Variants in AFF3 observed in about 807,000 individuals in gnomAD.
AFF3 encodes the protein ALF transcription elongation factor 3.
AFF3 carries 32 observed loss-of-function variants against 129.7 expected under a neutral mutation model. The observed-to-expected ratio is 0.25, with a 90% CI of 0.19 to 0.33. AFF3 has a LOEUF of 0.33. Ranked by LOEUF, AFF3 falls within the 10% of genes least tolerant of loss-of-function variation. The probability of loss-of-function intolerance (pLI) is 1.00; values close to 1 mark genes in which losing one functional copy is unlikely to be tolerated. For missense variants in AFF3, 1,373 were observed against 1,592.0 expected, an observed-to-expected ratio of 0.86 and a Z score of 2.34; for synonymous variants, 644 against 635.4, an observed-to-expected ratio of 1.01 and a Z score of -0.20.
At chr2:99,769,682 T>C (rs1452996623) in intron 8 of AFF3, among the ~76,000 whole-genome samples, 2 of 152,206 alleles carry the variant, frequency 1.3e-5, no homozygotes, top group Non-Finnish European at 2.9e-5. Context: ...GTGTTGTGAC[T>C]GACACTGTAT....
chr2:99,565,061 C>T (rs988292457), intron 20 of AFF3, among the ~76,000 whole-genome samples: 3 of 152,104 alleles, frequency 2.0e-5, no homozygotes, highest in Non-Finnish European at 2.9e-5. Context: ...GATGGCTTCT[C>T]CTTCCATAAA....
intron 4 of AFF3, among the ~76,000 whole-genome samples, chr2:100,053,741 CTTAA>C (rs1686541522): frequency 6.6e-6 from 1 of 152,224 alleles, no homozygotes; most frequent in Non-Finnish European, 1.5e-5. Flanking sequence ...CCTGCACTCA[CTTAA>C]TTATTCACGC....
chr2:99,626,599 CA>C (rs2105351458), intron 13 of AFF3, among the ~76,000 whole-genome samples: 1 of 145,616 alleles, frequency 6.9e-6, no homozygotes, highest in African/African-American at 2.5e-5. Flanking sequence ...CCTTTAAGGT[CA>C]GGGGTACATG....
intron 4 of AFF3, among the ~76,000 whole-genome samples, chr2:100,015,057 G>A (rs1165324961): frequency 2.0e-5 from 3 of 150,348 alleles, no homozygotes; most frequent in East Asian, 3.9e-4. Context: ...GCCTGCCTTG[G>A]CCCCCCAAAG....
chr2:99,774,592 T>C (rs1469798317), intron 8 of AFF3, among the ~76,000 whole-genome samples: 1 of 151,786 alleles, frequency 6.6e-6, no homozygotes, highest in Admixed American at 6.6e-5. Context: ...AAAAATCAAC[T>C]CAAGATGGAT....
chr2:99,649,273 G>A (rs1233026168), intron 13 of AFF3, among the ~76,000 whole-genome samples: 1 of 152,184 alleles, frequency 6.6e-6, no homozygotes, highest in Non-Finnish European at 1.5e-5. Context: ...GAAAAAGTCT[G>A]AAGAAAACAT....
chr2:99,647,286 A>G (rs1684779040), intron 13 of AFF3, among the ~76,000 whole-genome samples: 1 of 152,238 alleles, frequency 6.6e-6, no homozygotes, highest in South Asian at 2.1e-4. Flanking sequence ...TAAAGAAAAT[A>G]TGGTACACAT....
chr2:99,974,770 G>A (rs1191142340), intron 7 of AFF3, among the ~76,000 whole-genome samples: 9 of 152,192 alleles, frequency 5.9e-5, no homozygotes, highest in Admixed American at 1.3e-4. Flanking sequence ...AGAAATAAAA[G>A]GCTAATTAAT....
intron 17 of AFF3, among the ~76,000 whole-genome samples, chr2:99,579,419 AAT>A (rs200034311): frequency 0.024 from 3,571 of 148,560 alleles, 55 homozygotes; most frequent in Admixed American, 0.035. Context: ...AAAAAAAAAA[AAT>A]AAATAAATAA....
intron 13 of AFF3, among the ~76,000 whole-genome samples, chr2:99,616,702 G>A (rs548928217): frequency 1.1e-4 from 16 of 152,134 alleles, no homozygotes; most frequent in Admixed American, 6.5e-4. Context: ...GTTGCAGTGA[G>A]CCGAGATCGC....
At chr2:99,704,559 G>C (rs923381865) in intron 11 of AFF3, among the ~76,000 whole-genome samples, 1 of 152,186 alleles carries the variant, frequency 6.6e-6, no homozygotes, top group African/African-American at 2.4e-5. Flanking sequence ...CTATTCTCAA[G>C]AGAGACAGAT....
intron 8 of AFF3, among the ~76,000 whole-genome samples, chr2:99,832,008 G>A: frequency 6.6e-6 from 1 of 152,228 alleles, no homozygotes; most frequent in East Asian, 1.9e-4. Context: ...AAGGTACTGA[G>A]TACATCTACA....
At chr2:99,827,692 T>C (rs767529301) in intron 8 of AFF3, among the ~76,000 whole-genome samples, 5 of 151,712 alleles carry the variant, frequency 3.3e-5, no homozygotes, top group Non-Finnish European at 5.9e-5. Flanking sequence ...TATATACACA[T>C]ATATATATGT....
intron 9 of AFF3, among the ~76,000 whole-genome samples, chr2:99,748,249 C>T (rs1681333886): frequency 6.6e-6 from 1 of 152,160 alleles, no homozygotes; most frequent in South Asian, 2.1e-4. Flanking sequence ...CCTGCCACCC[C>T]ATCCAGATAC....
Position 99,628,681 on chromosome 2 carries a change from T to G in AFF3, c.1184+20945A>C, listed in dbSNP as rs369649093. On this transcript the variant is annotated intron_variant, in intron 13 of 24. Coordinates refer to ENST00000672756, the MANE Select transcript of AFF3 (RefSeq NM_001386135.1). ...CAGAGATTCTCCTGCCTCAGCCTCC[T>G]GAGTAGCTGGGATTACAGGCACGTG... is the stretch of plus-strand genomic sequence containing the variant. Among the ~76,000 whole-genome samples the G allele has an allele frequency of 2.8e-3, 423 of 151,122 alleles. 2 individuals are homozygous for G. The highest frequency in any genetic ancestry group is 0.01 in the African/African-American group (413 of 41,096).
At chr2:99,649,938 T>C (rs1685082256) in intron 12 of AFF3, among the ~76,000 whole-genome samples, 2 of 152,190 alleles carry the variant, frequency 1.3e-5, no homozygotes, top group African/African-American at 4.8e-5. Context: ...TGTACCCAGG[T>C]AAGCTTGGAC....
At chr2:99,791,682 C>T (rs1198728671) in intron 8 of AFF3, among the ~76,000 whole-genome samples, 12 of 152,226 alleles carry the variant, frequency 7.9e-5, no homozygotes, top group Non-Finnish European at 1.2e-4. Context: ...TGGACACGCA[C>T]AGAATGGTGA....
At chr2:100,095,942 G>A (rs1690247922) in intron 4 of AFF3, among the ~76,000 whole-genome samples, 1 of 152,188 alleles carries the variant, frequency 6.6e-6, no homozygotes, top group Admixed American at 6.5e-5. Context: ...CCCAACTGAA[G>A]TATCTGAAAC....
chr2:99,923,840 A>G lies in AFF3; in HGVS notation c.873+82792T>C, dbSNP rs114994566. 9.7e-3 allele frequency among the ~76,000 whole-genome samples: 1,475 copies of G among 152,294 alleles called. 16 individuals carry two copies. Among genetic ancestry groups the G allele is most frequent in the Middle Eastern group, 0.031 (9 of 294 alleles). On this transcript the variant is annotated intron_variant, in intron 7 of 24. Coordinates refer to ENST00000672756, the MANE Select transcript of AFF3 (RefSeq NM_001386135.1). ...AAATGTTTGCTGCCTCTAGAGAGTC[A>G]CGGTGTATAATTCACTTTTAATTTT...
Sources: gnomAD v4.1 joint callset for allele counts (sites outside exome capture counted in the v4.1 genomes callset) on GRCh38, gnomAD v4.1.1 for gene constraint, MANE v1.5 for transcripts, NCBI Gene and HGNC (gene_info 2026-07-23, HGNC 2026-07-21) for gene names.